Variants in HNF1A observed in about 807,000 individuals in gnomAD.
HNF1A encodes hepatocyte nuclear factor 1-alpha.
Under a neutral mutation model 62.2 loss-of-function variants are expected in HNF1A, and 21 were observed. The observed-to-expected ratio is 0.34, with a 90% CI of 0.24 to 0.49. HNF1A has a LOEUF of 0.49. HNF1A is among the 20% of genes least tolerant of loss of function. The probability of loss-of-function intolerance (pLI) is 0.99; values close to 1 mark genes in which losing one functional copy is unlikely to be tolerated. For missense variants in HNF1A, 687 were observed against 832.3 expected, an observed-to-expected ratio of 0.83 and a Z score of 2.15; for synonymous variants, 374 against 366.8, an observed-to-expected ratio of 1.02 and a Z score of -0.22.
chr12:120,984,079 G>A (rs941317618), intron 1 of HNF1A, among the ~76,000 whole-genome samples: 5 of 152,064 alleles, frequency 3.3e-5, no homozygotes, highest in African/African-American at 1.2e-4. Flanking sequence ...CCAGAAAAGG[G>A]AAAGACATGC....
chr12:121,001,104 C>A lies in HNF1A; in HGVS notation c.1808C>A (p.Ser603Tyr). 1 of 1,613,962 alleles carries A rather than the reference C, an allele frequency of 6.2e-7. No individual in the cohort carries two copies. Among genetic ancestry groups the A allele is most frequent in the African/African-American group, 1.3e-5 (1 of 75,050 alleles). ...CTGGTGCTGTACCAGAGCTCAGACT[C>A]CAGCAATGGCCAGAGCCACCTGCTG... ...SSLVLYQSSDSSNGQSHLLPS... is the reference protein window; with the variant it reads ...SSLVLYQSSDYSNGQSHLLPS... The change falls in exon 10 of 10, where the codon TCC becomes TAC. Residue 603 changes from serine to tyrosine, a missense_variant. Ser to Tyr is a moderately radical substitution (Grantham distance 144). Coordinates refer to ENST00000257555, the MANE Select transcript of HNF1A (RefSeq NM_000545.8).
In HNF1A at chr12:121,001,762, T is replaced by A; in HGVS notation, c.*570T>A. ...CCTACTCACACAGGCATTTCCTGGG[T>A]GGCTACTCTGTGCCAGAGCCTGGGG... On this transcript the variant is annotated 3_prime_UTR_variant, in exon 10 of 10. Transcript: ENST00000257555. The A allele has an allele frequency of 1.9e-6, 1 of 535,190 alleles. No homozygotes were observed. Among genetic ancestry groups the A allele is most frequent in the Non-Finnish European group, 3.6e-6 (1 of 275,900 alleles). 33.2% of individuals were successfully genotyped at this position (535,190 alleles called of 1,614,324 possible).
At chr12:120,995,604 CCACT>C (rs1877057304) in intron 4 of HNF1A, among the ~76,000 whole-genome samples, 1 of 151,984 alleles carries the variant, frequency 6.6e-6, no homozygotes, top group South Asian at 2.1e-4. Context: ...CCACTCCAAC[CCACT>C]CACTCCACTC....
intron 4 of HNF1A, among the ~76,000 whole-genome samples, chr12:120,994,972 C>T (rs1877025706): frequency 6.6e-6 from 1 of 150,662 alleles, no homozygotes; most frequent in African/African-American, 2.4e-5. Flanking sequence ...TCATCCCATC[C>T]AGTACATTCA....
rs1877312759 is a variant in HNF1A at position 120,999,534 on chromosome 12, G to A, written c.1675G>A (p.Ala559Thr). ...CAGTGAGTCCGGGCTTCACACGCCGGCATCTCAGGCCACCACCCTCCACGT... is the reference window on the plus strand; with the variant it reads ...CAGTGAGTCCGGGCTTCACACGCCGACATCTCAGGCCACCACCCTCCACGT... ...ASSESGLHTPASQATTLHVPS... is the reference protein window; with the variant it reads ...ASSESGLHTPTSQATTLHVPS... Residue 559 changes from alanine (A) to threonine (T), a missense_variant, in exon 9 of 10, where the codon GCA becomes ACA. Physicochemically the swap from Ala to Thr is moderately conservative, Grantham distance 58. This residue lies in a region of HNF1A where 408 missense variants were observed against 455.3 expected (regional missense o/e 0.90). Transcript: ENST00000257555. The A allele has an allele frequency of 1.2e-6, 2 of 1,613,204 alleles. No homozygotes were observed. Among genetic ancestry groups the A allele is most frequent in the Non-Finnish European group, 1.7e-6 (2 of 1,179,820 alleles).
intron 1 of HNF1A, among the ~76,000 whole-genome samples, chr12:120,984,109 C>T (rs1313709569): frequency 6.6e-6 from 1 of 152,110 alleles, no homozygotes; most frequent in Non-Finnish European, 1.5e-5. Flanking sequence ...TCTCTGACTC[C>T]TAACTGGCAT....
intron 1 of HNF1A, among the ~76,000 whole-genome samples, chr12:120,982,466 G>T (rs1169283): frequency 3.3e-5 from 5 of 151,740 alleles, no homozygotes; most frequent in Admixed American, 2.0e-4. Context: ...CAGGAGGGGG[G>T]GGGGACAGAG....
rs138835108 is a variant in HNF1A, at chr12:120,996,514, C to T, written c.1108-27C>T. On this transcript the variant is annotated intron_variant, in intron 5 of 9. Coordinates refer to ENST00000257555, the MANE Select transcript of HNF1A (RefSeq NM_000545.8). The surrounding 1 kb of genome is among the most constrained non-coding windows in gnomAD (Gnocchi z 4.5). ...AGGCCCTGTGGGGACCCCGGCCCCC[C>T]GGACACAGCTTGGCTTCCCCTCGTA... 4.4e-3 allele frequency: 7,174 copies of T among 1,612,922 alleles called. 18 individuals carry two copies. Among genetic ancestry groups the T allele is most frequent in the Middle Eastern group, 7.9e-3 (48 of 6,062 alleles).
At chr12:120,990,675 A>AAAGG (rs1876790468) in intron 2 of HNF1A, among the ~76,000 whole-genome samples, 1 of 150,466 alleles carries the variant, frequency 6.6e-6, no homozygotes, top group Admixed American at 6.7e-5. Context: ...GAAAGGTAGG[A>AAAGG]AAGGGAGGAA....
At chr12:120,991,824 C>T (rs1400545816) in intron 2 of HNF1A, among the ~76,000 whole-genome samples, 1 of 152,168 alleles carries the variant, frequency 6.6e-6, no homozygotes, top group Non-Finnish European at 1.5e-5. Context: ...TCTGTTAGAA[C>T]TAGATTTAGT....
intron 1 of HNF1A, among the ~76,000 whole-genome samples, chr12:120,984,853 C>T (rs1450473203): frequency 6.6e-6 from 1 of 151,838 alleles, no homozygotes; most frequent in Non-Finnish European, 1.5e-5. Context: ...ATGGGCACAC[C>T]GTCTACTTCC....
intron 2 of HNF1A, among the ~76,000 whole-genome samples, chr12:120,989,909 C>T (rs1713420249): frequency 6.6e-6 from 1 of 151,954 alleles, no homozygotes; most frequent in South Asian, 2.1e-4. Context: ...AAGGGTGTTT[C>T]AGGCAGAAGG....
In HNF1A at chr12:121,001,072, C is replaced by T. The variant is rs761305679; in HGVS notation, c.1776C>T (p.Ser592=). ...HRLSASPTVS[S]SSLVLYQSSD... ...CCTTGTTTGCCTCTGCAGTGTCCTC[C>T]AGCAGCCTGGTGCTGTACCAGAGCT... Residue 592 remains serine, a synonymous_variant, in exon 10 of 10, where the codon TCC becomes TCT. Coordinates refer to ENST00000257555, the MANE Select transcript of HNF1A (RefSeq NM_000545.8). The T allele has an allele frequency of 5.0e-6, 8 of 1,613,342 alleles. No individual in the cohort carries two copies. Among genetic ancestry groups the T allele is most frequent in the Non-Finnish European group, 6.8e-6 (8 of 1,179,864 alleles).
chr12:120,997,095 G>A (rs892319046), intron 6 of HNF1A: 11 of 1,405,924 alleles, frequency 7.8e-6, no homozygotes, highest in Non-Finnish European at 9.3e-6. Flanking sequence ...CTTATTTGCA[G>A]GTACAATTAT....
rs577078110 is a variant in HNF1A, at chr12:120,999,279, C to A, written c.1513C>A (p.His505Asn). Residue 505 changes from histidine to asparagine, a missense_variant, in exon 8 of 10, where the codon CAC becomes AAC. This residue lies in a region of HNF1A where 408 missense variants were observed against 455.3 expected (regional missense o/e 0.90). Coordinates refer to ENST00000257555, the MANE Select transcript of HNF1A (RefSeq NM_000545.8). Reference protein sequence around the residue: ...QLQSPHALYSHKPEVAQYTHT... With the variant: ...QLQSPHALYSNKPEVAQYTHT... ...TCCCCTGCGGCCAGCCCTCTACAGC[C>A]ACAAGCCCGAGGTGGCCCAGTACAC... 61 of 1,614,026 alleles carry A rather than the reference C, an allele frequency of 3.8e-5. No individual in the cohort carries two copies. The highest frequency in any genetic ancestry group is 1.6e-4 in the Middle Eastern group (1 of 6,062).
In HNF1A at chr12:120,996,672, C is replaced by T; in HGVS notation, c.1239C>T (p.Thr413=). 1 of 1,614,096 alleles carries T rather than the reference C, an allele frequency of 6.2e-7. No individual in the cohort carries two copies. The part of the protein sequence containing the change: ...LIMASLPGVM[T]IGPGEPASLG... ...TGGCCTCACTTCCTGGGGTCATGACCATCGGGCCTGGTGAGCCTGCCTCCC... is the reference window on the plus strand; with the variant it reads ...TGGCCTCACTTCCTGGGGTCATGACTATCGGGCCTGGTGAGCCTGCCTCCC... Residue 413 remains threonine, a synonymous_variant, in exon 6 of 10, where the codon ACC becomes ACT. Transcript: ENST00000257555. The surrounding 1 kb of genome is among the most constrained non-coding windows in gnomAD (Gnocchi z 4.5).
intron 1 of HNF1A, among the ~76,000 whole-genome samples, chr12:120,984,087 T>G (rs1039613132): frequency 3.9e-5 from 6 of 152,106 alleles, no homozygotes; most frequent in African/African-American, 1.4e-4. Context: ...GGGAAAGACA[T>G]GCCCTCTTGG....
At chr12:120,989,452 G>A (rs1876703556) in intron 2 of HNF1A, among the ~76,000 whole-genome samples, 1 of 151,996 alleles carries the variant, frequency 6.6e-6, no homozygotes, top group Non-Finnish European at 1.5e-5. Context: ...AGAGACGGGG[G>A]TTTCACCATG....
intron 3 of HNF1A, 65 bp from the exon 4 acceptor site, chr12:120,994,099 C>T (rs2135840721): frequency 6.3e-7 from 1 of 1,581,630 alleles, no homozygotes; most frequent in East Asian, 2.3e-5. Context: ...GAACCCTCCC[C>T]TTCATGCCCA....
Sources: gnomAD v4.1 joint callset for allele counts (sites outside exome capture counted in the v4.1 genomes callset) on GRCh38, gnomAD v4.1.1 for gene constraint, gnomAD v4.1.1 regional missense constraint, Gnocchi (gnomAD v3.1) non-coding constraint, MANE v1.5 for transcripts, NCBI Gene and HGNC (gene_info 2026-07-23, HGNC 2026-07-21) for gene names.